The following NTM variants were observed in gnomAD, a reference collection of about 807,000 sequenced individuals.
The protein encoded by NTM is neurotrimin.
Under a neutral mutation model 42.1 loss-of-function variants are expected in NTM, and 13 were observed. The ratio of observed to expected loss-of-function variants is 0.31; its 90% CI spans 0.20 to 0.49. NTM has a LOEUF of 0.49. Ranked by LOEUF, NTM falls within the 20% of genes least tolerant of loss-of-function variation. The probability of loss-of-function intolerance (pLI) is 0.99; values close to 1 mark genes in which losing one functional copy is unlikely to be tolerated. For synonymous variants in NTM, 187 were observed against 179.2 expected, an observed-to-expected ratio of 1.04 and a Z score of -0.35; for missense variants, 373 against 452.8, an observed-to-expected ratio of 0.82 and a Z score of 1.60.
At chr11:131,932,710 G>A (rs1565767946) in intron 2 of NTM, among the ~76,000 whole-genome samples, 2 of 152,208 alleles carry the variant, frequency 1.3e-5, no homozygotes, top group South Asian at 2.1e-4. Flanking sequence ...TTGGTCATCA[G>A]TATGTGCTGA....
At chr11:132,314,800 C>T (rs1443035776) in intron 7 of NTM, 97 bp downstream of exon 7, 2 of 1,424,590 alleles carry the variant, frequency 1.4e-6, no homozygotes, top group Non-Finnish European at 1.8e-6. Flanking sequence ...CAGAGGTTAG[C>T]AGGGTATCAG....
At chr11:132,253,165 G>A (rs576398200) in intron 4 of NTM, among the ~76,000 whole-genome samples, 1 of 152,274 alleles carries the variant, frequency 6.6e-6, no homozygotes, top group South Asian at 2.1e-4. Context: ...TGGAGCTTAG[G>A]ATCTGGTAAT....
At chr11:131,894,566 G>A (rs1163631694) in intron 1 of NTM, among the ~76,000 whole-genome samples, 4 of 152,144 alleles carry the variant, frequency 2.6e-5, no homozygotes, top group African/African-American at 7.2e-5. Flanking sequence ...CAGATGTGCC[G>A]TGACACTGCC....
At chr11:131,805,972 A>G (rs1591986302) in intron 1 of NTM, among the ~76,000 whole-genome samples, 1 of 152,256 alleles carries the variant, frequency 6.6e-6, no homozygotes, top group Non-Finnish European at 1.5e-5. Flanking sequence ...TAAGGAATAT[A>G]ACCACATGAT....
intron 2 of NTM, among the ~76,000 whole-genome samples, chr11:132,006,096 TC>T (rs1179603092): frequency 6.6e-6 from 1 of 152,178 alleles, no homozygotes; most frequent in African/African-American, 2.4e-5. Context: ...GGAAGCCTCA[TC>T]CCATTTGGCT....
Position 132,268,657 on chromosome 11 carries a change from CCTCTCTCTCT to C in NTM, c.527-39027_527-39018del, listed in dbSNP as rs71870444. Among the ~76,000 whole-genome samples the C allele has an allele frequency of 8.1e-5, 11 of 135,054 alleles. No homozygotes were observed. The South Asian group carries it at 2.8e-3, about 34-fold the overall frequency. The allele number at this position is 135,054 out of a possible 152,430, so 88.6% of individuals were successfully genotyped here. ...TATGTGTGTGTTTGTGGTGTGGGGT[CCTCTCTCTCT>C]CTCTGTGTGTGTGTGTGTGTGTGTG... On this transcript the variant is annotated intron_variant, in intron 4 of 8. Coordinates refer to ENST00000683400, the MANE Select transcript of NTM (RefSeq NM_001352005.2).
At chr11:132,053,331 T>C (rs1031006319) in intron 2 of NTM, among the ~76,000 whole-genome samples, 3 of 152,260 alleles carry the variant, frequency 2.0e-5, no homozygotes, top group Admixed American at 6.5e-5. Context: ...GGTGACAGAA[T>C]TGAGGCAGAG....
chr11:131,704,874 AAGG>A (rs2076435878), intron 1 of NTM, among the ~76,000 whole-genome samples: 1 of 152,204 alleles, frequency 6.6e-6, no homozygotes, highest in South Asian at 2.1e-4. Context: ...ATAAAGCAGA[AAGG>A]AGAATCAGTG....
At chr11:131,476,738 A>T (rs1565541999) in intron 1 of NTM, among the ~76,000 whole-genome samples, 1 of 152,128 alleles carries the variant, frequency 6.6e-6, no homozygotes. Flanking sequence ...ACACTTTGAA[A>T]AGAAGCCACA....
intron 1 of NTM, among the ~76,000 whole-genome samples, chr11:131,664,750 ATTGTTTTT>A (rs1458499765): frequency 6.2e-5 from 5 of 80,582 alleles, no homozygotes; most frequent in South Asian, 5.3e-4. Context: ...GCTCTCTTCC[ATTGTTTTT>A]TTTTTTTTTT....
intron 1 of NTM, among the ~76,000 whole-genome samples, chr11:131,903,174 T>C (rs146173696): frequency 1.4e-3 from 217 of 152,018 alleles, no homozygotes; most frequent in African/African-American, 4.9e-3. Context: ...GGACAGACAG[T>C]GTGCAACCAG....
intron 2 of NTM, among the ~76,000 whole-genome samples, chr11:131,916,529 T>C (rs2056408370): frequency 6.6e-6 from 1 of 152,166 alleles, no homozygotes; most frequent in Non-Finnish European, 1.5e-5. Context: ...AGTTTTGATA[T>C]GGGACTCCAT....
chr11:131,687,529 G>T (rs1592555432), intron 1 of NTM, among the ~76,000 whole-genome samples: 1 of 152,220 alleles, frequency 6.6e-6, no homozygotes, highest in Admixed American at 6.5e-5. Flanking sequence ...GCGTGGGGCC[G>T]GCGTCCCGCC....
At position 132,002,559 on chromosome 11, in the gene NTM, C is replaced by T. The variant is rs180919060; in HGVS notation, c.167+90911C>T. On this transcript the variant is annotated intron_variant, in intron 2 of 8. Transcript: ENST00000683400. This position sits in a 1 kb window ranked among gnomAD's most constrained non-coding sequence, Gnocchi z 4.5. ...GAAATGATGTGTTGGTGTCTGTCCC[C>T]CAAATTGGAGGCTTCTGGCCATTGC... 3.4e-3 allele frequency among the ~76,000 whole-genome samples: 524 copies of T among 152,306 alleles called. 1 individual carries two copies. The highest frequency in any genetic ancestry group is 0.024 in the Middle Eastern group (7 of 294).
At chr11:131,719,197 C>T (rs767833053) in intron 1 of NTM, among the ~76,000 whole-genome samples, 1 of 152,132 alleles carries the variant, frequency 6.6e-6, no homozygotes, top group African/African-American at 2.4e-5. Context: ...GACGTAAGCC[C>T]GCGCCCAGTG....
At chr11:132,275,280 T>C (rs2093661179) in intron 4 of NTM, among the ~76,000 whole-genome samples, 1 of 152,072 alleles carries the variant, frequency 6.6e-6, no homozygotes, top group Admixed American at 6.6e-5. Flanking sequence ...TCCTAGAACG[T>C]GTATTGAAGG....
At chr11:131,822,605 G>C (rs527765713) in intron 1 of NTM, among the ~76,000 whole-genome samples, 3 of 152,088 alleles carry the variant, frequency 2.0e-5, no homozygotes, top group Non-Finnish European at 4.4e-5. Context: ...ATCAGCAACT[G>C]ATAAGGGGAA....
chr11:132,010,122 G>T (rs1167145529), intron 2 of NTM, among the ~76,000 whole-genome samples: 1 of 152,130 alleles, frequency 6.6e-6, no homozygotes, highest in Non-Finnish European at 1.5e-5. Flanking sequence ...CCTCACCACG[G>T]CTGTTCATGT....
At chr11:131,601,401 G>A (rs539451360) in intron 1 of NTM, among the ~76,000 whole-genome samples, 1 of 152,230 alleles carries the variant, frequency 6.6e-6, no homozygotes, top group East Asian at 1.9e-4. Context: ...AAACCTCTTT[G>A]GGTTTTAATG....
Sources: gnomAD v4.1 joint callset for allele counts (sites outside exome capture counted in the v4.1 genomes callset) on GRCh38, gnomAD v4.1.1 for gene constraint, Gnocchi (gnomAD v3.1) non-coding constraint, MANE v1.5 for transcripts, NCBI Gene and HGNC (gene_info 2026-07-23, HGNC 2026-07-21) for gene names.